Variants in FGFR2 observed in about 807,000 individuals in gnomAD.
FGFR2 encodes the protein BEK fibroblast growth factor receptor.
In FGFR2, 19 loss-of-function variants were observed where a neutral mutation model predicts 95.9. The ratio of observed to expected loss-of-function variants is 0.20; its 90% CI spans 0.14 to 0.29. The LOEUF is 0.29. Ranked by LOEUF, FGFR2 falls within the 10% of genes least tolerant of loss-of-function variation. The pLI is 1.00. For synonymous variants in FGFR2, 392 were observed against 393.3 expected (o/e 1.00, Z 0.04); for missense variants, 707 against 1,056.9 (o/e 0.67, Z 4.59).
intron 13 of FGFR2, 75 bp from the exon 14 acceptor site, chr10:121,488,188 T>A (rs1293620815): frequency 6.3e-7 from 1 of 1,584,362 alleles, no homozygotes; most frequent in Non-Finnish European, 8.6e-7. Flanking sequence ...TATGTTCATT[T>A]CTTAAAATGC....
At chr10:121,557,260 C>G (rs1287929920) in intron 4 of FGFR2, among the ~76,000 whole-genome samples, 1 of 152,202 alleles carries the variant, frequency 6.6e-6, no homozygotes, top group Admixed American at 6.5e-5. Context: ...TCAGTCCAAC[C>G]ATTGGATGGA....
At chr10:121,573,641 AGGAAGAAAGAGAGGGGAAGG>A (rs1258988140) in intron 2 of FGFR2, among the ~76,000 whole-genome samples, 1 of 149,480 alleles carries the variant, frequency 6.7e-6, no homozygotes, top group Non-Finnish European at 1.5e-5. Context: ...GGAAGGCAAG[AGGAAGAAAGAGAGGGGAAGG>A]GGAGAGGAGA....
intron 2 of FGFR2, among the ~76,000 whole-genome samples, chr10:121,570,575 C>T (rs1022563566): frequency 2.0e-5 from 3 of 152,228 alleles, no homozygotes; most frequent in African/African-American, 7.2e-5. Context: ...ATACTTTTCA[C>T]CTTTCCTGTG....
At chr10:121,575,153 T>C (rs1590054223) in intron 2 of FGFR2, among the ~76,000 whole-genome samples, 1 of 152,212 alleles carries the variant, frequency 6.6e-6, no homozygotes, top group Admixed American at 6.5e-5. Flanking sequence ...CCTCATATCA[T>C]TTAAGTCTGC....
At chr10:121,591,560 ATCT>A (rs1862652814) in intron 2 of FGFR2, among the ~76,000 whole-genome samples, 1 of 152,240 alleles carries the variant, frequency 6.6e-6, no homozygotes, top group African/African-American at 2.4e-5. Flanking sequence ...CCTAAAGATC[ATCT>A]TCTTAAGCCC....
At chr10:121,587,822 A>G (rs770479365) in intron 2 of FGFR2, among the ~76,000 whole-genome samples, 1 of 152,270 alleles carries the variant, frequency 6.6e-6, no homozygotes, top group Non-Finnish European at 1.5e-5. Flanking sequence ...ATAATTGTGG[A>G]AAGCCGTGTG....
intron 4 of FGFR2, among the ~76,000 whole-genome samples, chr10:121,563,925 C>A (rs940195065): frequency 6.6e-6 from 1 of 152,166 alleles, no homozygotes; most frequent in Non-Finnish European, 1.5e-5. Flanking sequence ...TTTCACTCAG[C>A]ATGAGGTGTG....
chr10:121,573,254 A>G (rs1003641658), intron 2 of FGFR2, among the ~76,000 whole-genome samples: 23 of 152,238 alleles, frequency 1.5e-4, no homozygotes, highest in African/African-American at 4.6e-4. Context: ...AATGGACGAC[A>G]GATTTAAACT....
chr10:121,574,153 G>A (rs1438603474), intron 2 of FGFR2, among the ~76,000 whole-genome samples: 2 of 152,126 alleles, frequency 1.3e-5, no homozygotes, highest in Non-Finnish European at 2.9e-5. Context: ...GCAAGATAGG[G>A]TTTCTGGAAG....
At position 121,518,563 on chromosome 10, in the gene FGFR2, A is replaced by G; in HGVS notation, c.940-1100T>C. The G allele has an allele frequency of 4.4e-6, 5 of 1,128,326 alleles. No homozygotes were observed. Among genetic ancestry groups the G allele is most frequent in the Non-Finnish European group, 6.4e-6 (5 of 785,900 alleles). 69.9% of individuals were successfully genotyped at this position (1,128,326 alleles called of 1,614,324 possible). On this transcript the variant is annotated intron_variant, in intron 7 of 17. Coordinates refer to ENST00000358487, the MANE Select transcript of FGFR2 (RefSeq NM_000141.5). The surrounding 1 kb of genome is among the most constrained non-coding windows in gnomAD (Gnocchi z 4.0). ...TCACCGAAGAAAGATTATTATAAAT[A>G]TACCAAGGCCACAAGAGTTATCCTA...
At chr10:121,573,044 C>T (rs1280219536) in intron 2 of FGFR2, among the ~76,000 whole-genome samples, 1 of 152,228 alleles carries the variant, frequency 6.6e-6, no homozygotes, top group South Asian at 2.1e-4. Context: ...ACAGTTGAAA[C>T]AGCAAAAGGG....
chr10:121,578,102 C>CTCTTG (rs1283835749), intron 2 of FGFR2, among the ~76,000 whole-genome samples: 1 of 152,188 alleles, frequency 6.6e-6, no homozygotes, highest in Non-Finnish European at 1.5e-5. Context: ...TGCAATGCGC[C>CTCTTG]TAACCCATCA....
In FGFR2 at chr10:121,518,771, G is replaced by A. The variant is rs1047095; in HGVS notation, c.939+1208C>T. The A allele has an allele frequency of 6.8e-6, 11 of 1,614,100 alleles. No homozygotes were observed. The highest frequency in any genetic ancestry group is 2.2e-5 in the East Asian group (1 of 44,882). ...CTTACATATATATTCCCCAGCATCC[G>A]CCTCGGTCACATTGAACAGAGCCAG... On this transcript the variant is annotated intron_variant, in intron 7 of 17. Coordinates refer to ENST00000358487, the MANE Select transcript of FGFR2 (RefSeq NM_000141.5). This position sits in a 1 kb window ranked among gnomAD's most constrained non-coding sequence, Gnocchi z 4.0.
In FGFR2 at chr10:121,488,119, A is replaced by G. The variant is rs767324356; in HGVS notation, c.1864-6T>C. 1.2e-6 allele frequency: 2 copies of G among 1,614,008 alleles called. No homozygotes were observed. The highest frequency in any genetic ancestry group is 1.7e-6 in the Non-Finnish European group (2 of 1,180,024). On this transcript the variant is annotated splice_polypyrimidine_tract_variant and splice_region_variant and intron_variant, in intron 13 of 17. Coordinates refer to ENST00000358487, the MANE Select transcript of FGFR2 (RefSeq NM_000141.5). ...GCTAAATCTCGATGAATACACTGAA[A>G]TCAAGAAAGAAGCAAGAGAAATAAC...
chr10:121,527,487 C>G (rs1300621235), intron 6 of FGFR2, among the ~76,000 whole-genome samples: 1 of 151,958 alleles, frequency 6.6e-6, no homozygotes, highest in Non-Finnish European at 1.5e-5. Context: ...TGGAGATGAA[C>G]AATAATGATA....
rs747982371 is a variant in FGFR2, at chr10:121,565,610, G to A, written c.204C>T (p.Ala68=). The A allele has an allele frequency of 9.3e-6, 15 of 1,614,074 alleles. No homozygotes were observed. Among genetic ancestry groups the A allele is most frequent in the South Asian group, 2.2e-5 (2 of 91,088 alleles). The change falls in exon 3 of 18, where the codon GCC becomes GCT. Residue 68 remains alanine (A), a synonymous_variant. Transcript: ENST00000358487. Reference sequence around the variant, plus strand: ...CCCCATCCTTAGTCCAACTGATCACGGCGGCATCTTTCAACAGGCAGCGCA... The same window carrying A: ...CCCCATCCTTAGTCCAACTGATCACAGCGGCATCTTTCAACAGGCAGCGCA... ...LEVRCLLKDA[A]VISWTKDGVH...
At chr10:121,577,054 G>A (rs1859899190) in intron 2 of FGFR2, among the ~76,000 whole-genome samples, 1 of 143,768 alleles carries the variant, frequency 7.0e-6, no homozygotes, top group Non-Finnish European at 1.5e-5. Context: ...AGAATCGCTT[G>A]AACCTGGGAG....
chr10:121,496,722 C>T lies in FGFR2; in HGVS notation c.1673G>A (p.Gly558Glu), dbSNP rs761446954. The change falls in exon 13 of 18, where the codon GGG becomes GAG. Residue 558 changes from glycine (G) to glutamate (E), a missense_variant and splice_region_variant. Transcript: ENST00000358487. ...ATACTCAACTATGACATAGAGAGGC[C>T]CTGTTGAGGAAGAAGAGAAGCTCCC... The part of the protein sequence containing the change: ...INLLGACTQD[G>E]PLYVIVEYAS... 2 of 1,611,634 alleles carry T rather than the reference C, an allele frequency of 1.2e-6. No individual in the cohort carries two copies. The highest frequency in any genetic ancestry group is 1.7e-5 in the Admixed American group (1 of 59,960).
chr10:121,495,413 A>G (rs1266072194), intron 13 of FGFR2, among the ~76,000 whole-genome samples: 1 of 152,212 alleles, frequency 6.6e-6, no homozygotes, highest in Non-Finnish European at 1.5e-5. Flanking sequence ...TCGTACTCCC[A>G]GCTACTCAGG....
Sources: allele counts gnomAD v4.1 joint callset (sites outside exome capture counted in the v4.1 genomes callset), GRCh38; gene constraint gnomAD v4.1.1; non-coding constraint Gnocchi (gnomAD v3.1); transcripts MANE v1.5; gene names NCBI Gene and HGNC (gene_info 2026-07-23, HGNC 2026-07-21).